Variants in PCTP observed in about 807,000 individuals in gnomAD.
The protein encoded by PCTP is phosphatidylcholine transfer protein, also known as START domain-containing protein 2.
In PCTP, 27 loss-of-function variants were observed where a neutral mutation model predicts 31.0. The observed-to-expected ratio is 0.87, with a 90% CI of 0.64 to 1.20. PCTP has a LOEUF of 1.20. Among genes scored for constraint, PCTP ranks in the 50% most tolerant of loss-of-function variants. The probability of loss-of-function intolerance (pLI) is 0.00; values close to 1 mark genes in which losing one functional copy is unlikely to be tolerated. For synonymous variants in PCTP, 108 were observed against 101.2 expected (o/e 1.07, Z -0.40); for missense variants, 287 against 268.2 (o/e 1.07, Z -0.49).
At chr17:55,789,213 C>T (rs540314657) in intron 3 of PCTP, among the ~76,000 whole-genome samples, 18 of 152,270 alleles carry the variant, frequency 1.2e-4, no homozygotes, top group African/African-American at 3.9e-4. Context: ...TCCTTTCTTA[C>T]AAATCAGAAT....
chr17:55,783,256 G>A (rs919088039), intron 2 of PCTP, among the ~76,000 whole-genome samples: 5 of 152,052 alleles, frequency 3.3e-5, no homozygotes, highest in South Asian at 4.1e-4. Flanking sequence ...TACTAGCCCC[G>A]TAAAAGTCTA....
At chr17:55,756,681 C>G (rs1910035612) in intron 1 of PCTP, among the ~76,000 whole-genome samples, 1 of 151,378 alleles carries the variant, frequency 6.6e-6, no homozygotes, top group African/African-American at 2.4e-5. Context: ...CATAATAAAA[C>G]CGTTTTATAC....
intron 1 of PCTP, among the ~76,000 whole-genome samples, chr17:55,761,597 C>T (rs888605742): frequency 1.6e-4 from 23 of 146,662 alleles, no homozygotes; most frequent in Non-Finnish European, 3.4e-4. Context: ...CTATATATAA[C>T]ATTATATTTA....
Position 55,776,545 on chromosome 17 carries a change from T to A in PCTP, c.*445T>A. 8.1e-7 allele frequency: 1 copy of A among 1,232,138 alleles called. No homozygotes were observed. 76.3% of individuals were successfully genotyped at this position (1,232,138 alleles called of 1,614,324 possible). On this transcript the variant is annotated 3_prime_UTR_variant, in exon 6 of 6. Coordinates refer to ENST00000268896, the MANE Select transcript of PCTP (RefSeq NM_021213.4). ...GGCTCTTTTGCAGCTTGTGATTTCT[T>A]CCAGCTTGGGAGGGGCTGCTGGAAG...
chr17:55,805,817 GT>G (rs1202581636), intron 3 of PCTP, among the ~76,000 whole-genome samples: 2 of 151,252 alleles, frequency 1.3e-5, no homozygotes, highest in African/African-American at 4.9e-5. Context: ...AGAGAATTTT[GT>G]TTTATTTGGC....
downstream of PCTP, among the ~76,000 whole-genome samples, chr17:55,780,658 C>T (rs899045757): frequency 9.2e-5 from 14 of 152,186 alleles, no homozygotes; most frequent in Non-Finnish European, 1.3e-4. Flanking sequence ...ATATAGCATA[C>T]TGCTTAGTTG....
chr17:55,797,603 A>G (rs558974456), intron 3 of PCTP, among the ~76,000 whole-genome samples: 8 of 152,136 alleles, frequency 5.3e-5, no homozygotes, highest in Non-Finnish European at 8.8e-5. Context: ...GCCTCATGTT[A>G]GTCCTGACTC....
At chr17:55,824,969 T>C (rs1239349164), downstream of PCTP, among the ~76,000 whole-genome samples, 2 of 152,146 alleles carry the variant, frequency 1.3e-5, no homozygotes, top group Non-Finnish European at 2.9e-5. Flanking sequence ...GAGAGAGGGA[T>C]CTGGGAGAAA....
intron 2 of PCTP, among the ~76,000 whole-genome samples, chr17:55,785,188 G>T (rs1911703426): frequency 6.6e-6 from 1 of 152,216 alleles, no homozygotes; most frequent in Admixed American, 6.5e-5. Flanking sequence ...TGTCTGGATT[G>T]TCTCACTTGC....
intron 3 of PCTP, among the ~76,000 whole-genome samples, chr17:55,791,106 A>C (rs1184121095): frequency 6.6e-6 from 1 of 151,950 alleles, no homozygotes; most frequent in Non-Finnish European, 1.5e-5. Context: ...AGCCATATGT[A>C]GAAAGCTGAA....
rs1273946436 is a variant in PCTP, at chr17:55,791,312, A to C, written c.317+3658A>C. ...AAGCCAAAATTGACAAATGGGATCTAATTAAACTAAAGAGCTTCTGCACAG... is the reference window on the plus strand; with the variant it reads ...AAGCCAAAATTGACAAATGGGATCTCATTAAACTAAAGAGCTTCTGCACAG... On this transcript the variant is annotated intron_variant, in intron 3 of 3. Transcript: ENST00000572536. Among the ~76,000 whole-genome samples, 18 of 150,314 alleles carry C rather than the reference A, an allele frequency of 1.2e-4. 1 individual carries two copies.
At chr17:55,818,086 G>A (rs1912988283) in intron 3 of PCTP, among the ~76,000 whole-genome samples, 1 of 152,202 alleles carries the variant, frequency 6.6e-6, no homozygotes, top group Non-Finnish European at 1.5e-5. Context: ...GACTTTTCAT[G>A]AGAAACGAAT....
Position 55,774,001 on chromosome 17 carries a change from A to G in PCTP, c.511+106A>G, listed in dbSNP as rs1911165939. 4.5e-6 allele frequency: 6 copies of G among 1,328,444 alleles called. No individual in the cohort carries two copies. In the African/African-American group the frequency reaches 7.3e-5, roughly 16 times the overall value. 82.3% of individuals were successfully genotyped at this position (1,328,444 alleles called of 1,614,324 possible). A position where few individuals can be genotyped will look rare whatever the true frequency, so the allele number is the denominator to read the frequency against. ...TACATGAAGCGTATCCCTGAAGGTCAGAGGACAGGCAAAGCTGCAGAGCAA... is the reference window on the plus strand; with the variant it reads ...TACATGAAGCGTATCCCTGAAGGTCGGAGGACAGGCAAAGCTGCAGAGCAA... On this transcript the variant is annotated intron_variant, in intron 4 of 5. Transcript: ENST00000268896.
At chr17:55,814,460 G>A (rs1036116330) in intron 3 of PCTP, among the ~76,000 whole-genome samples, 2 of 152,220 alleles carry the variant, frequency 1.3e-5, no homozygotes, top group Non-Finnish European at 2.9e-5. Flanking sequence ...GCTGCTCCTG[G>A]GGCCAGGCAC....
chr17:55,791,143 C>G (rs1911955674), intron 3 of PCTP, among the ~76,000 whole-genome samples: 1 of 151,844 alleles, frequency 6.6e-6, no homozygotes, highest in African/African-American at 2.4e-5. Context: ...ACACCTTATA[C>G]AAAAATCAAT....
At chr17:55,789,847 C>A (rs979187896) in intron 3 of PCTP, among the ~76,000 whole-genome samples, 68 of 152,110 alleles carry the variant, frequency 4.5e-4, no homozygotes, top group African/African-American at 1.5e-3. Flanking sequence ...AGAGACACAA[C>A]CAAAAAAGAG....
At chr17:55,822,622 C>T (rs1001120274) in intron 3 of PCTP, 7 of 401,248 alleles carry the variant, frequency 1.7e-5, no homozygotes, top group Non-Finnish European at 2.6e-5. Context: ...TTCTATTCCT[C>T]GTGATCCAGA....
At chr17:55,849,538 G>A in the PCTP span, among the ~76,000 whole-genome samples, 3 of 152,194 alleles carry the variant, frequency 2.0e-5, no homozygotes, top group South Asian at 2.1e-4. Context: ...CAGGAGAATC[G>A]CTTGAACCCA....
intron 2 of PCTP, among the ~76,000 whole-genome samples, chr17:55,782,824 C>T (rs1471762795): frequency 6.6e-6 from 1 of 152,216 alleles, no homozygotes; most frequent in Non-Finnish European, 1.5e-5. Context: ...CAGTTGAAGT[C>T]AATCCCTATT....
Sources: allele counts gnomAD v4.1 joint callset (sites outside exome capture counted in the v4.1 genomes callset), GRCh38; gene constraint gnomAD v4.1.1; transcripts MANE v1.5; gene names NCBI Gene and HGNC (gene_info 2026-07-23, HGNC 2026-07-21).